LIPJ: variants seen among roughly 807,000 people sequenced by gnomAD.
LIPJ encodes lipase family member J.
A neutral mutation model predicts 39.8 loss-of-function variants in LIPJ; 33 were observed. The ratio of observed to expected loss-of-function variants is 0.83; its 90% CI spans 0.63 to 1.11. The LOEUF (loss-of-function observed/expected upper bound fraction) is 1.11, where lower values mean the gene tolerates loss of function less well. Ranked by LOEUF, LIPJ falls within the 50% of genes least tolerant of loss-of-function variation. The pLI, the probability that LIPJ is intolerant of heterozygous loss-of-function variation, is 0.00. For synonymous variants in LIPJ, 128 were observed against 139.2 expected (o/e 0.92, Z 0.57); for missense variants, 422 against 427.9 (o/e 0.99, Z 0.12).
downstream of LIPJ, among the ~76,000 whole-genome samples, chr10:88,608,874 A>C (rs771162424): frequency 6.6e-6 from 1 of 152,230 alleles, no homozygotes; most frequent in Non-Finnish European, 1.5e-5. Context: ...CTATGTCAGG[A>C]AACATCCTCT....
At chr10:88,583,511 C>T (rs1850786548), upstream of LIPJ, 1 of 1,195,830 alleles carries the variant, frequency 8.4e-7, no homozygotes, top group Non-Finnish European at 1.0e-6. Flanking sequence ...GGAGAACCCG[C>T]CTCGCAACAG....
At chr10:88,613,653 C>T in the LIPJ span, among the ~76,000 whole-genome samples, 1 of 150,392 alleles carries the variant, frequency 6.6e-6, no homozygotes, top group South Asian at 2.1e-4. Flanking sequence ...TGATAGAAAG[C>T]AGATTAGTGA....
the LIPJ span, among the ~76,000 whole-genome samples, chr10:88,616,509 A>C: frequency 6.6e-6 from 1 of 152,212 alleles, no homozygotes; most frequent in South Asian, 2.1e-4. Flanking sequence ...CCTTAACCGC[A>C]CCTAGAGGCC....
the LIPJ span, among the ~76,000 whole-genome samples, chr10:88,619,353 T>G: frequency 6.6e-6 from 1 of 152,082 alleles, no homozygotes. Context: ...TTTTTTCTTC[T>G]AATTCATACA....
upstream of LIPJ, chr10:88,583,644 G>A (rs548686618): frequency 6.1e-6 from 6 of 988,242 alleles, no homozygotes; most frequent in East Asian, 5.6e-4. Context: ...ATTTACCAGC[G>A]ATACCACGGG....
intron 3 of LIPJ, among the ~76,000 whole-genome samples, chr10:88,591,131 G>GGTTT (rs10694823): frequency 0.3 from 45,162 of 150,892 alleles, 7,060 homozygotes; most frequent in East Asian, 0.55. Flanking sequence ...TGAGGGTAGG[G>GGTTT]GTTTGTTTGT....
chr10:88,616,130 A>T, the LIPJ span, among the ~76,000 whole-genome samples: 1 of 146,900 alleles, frequency 6.8e-6, no homozygotes, highest in African/African-American at 2.6e-5. Flanking sequence ...ACTCTTGTAG[A>T]ATAATGACAG....
chr10:88,588,200 A>G (rs987144846), intron 2 of LIPJ, among the ~76,000 whole-genome samples: 24 of 152,000 alleles, frequency 1.6e-4, no homozygotes, highest in Middle Eastern at 3.5e-3. Context: ...TGCATCTACT[A>G]TGACAAAATT....
chr10:88,583,003 A>G, upstream of LIPJ: 1 of 1,533,208 alleles, frequency 6.5e-7, no homozygotes, highest in Non-Finnish European at 8.9e-7. Context: ...TCTTGGGTGC[A>G]GGCCCACACC....
At chr10:88,606,948 T>C (rs745487583) in exon 11 of LIPJ, 1 of 1,399,862 alleles carries the variant, frequency 7.1e-7, no homozygotes. Flanking sequence ...ACATCATTCC[T>C]AATGAAATCC....
upstream of LIPJ, chr10:88,582,949 G>C (rs911901821): frequency 2.6e-6 from 3 of 1,135,878 alleles, no homozygotes; most frequent in Non-Finnish European, 1.2e-6. Context: ...CGCGCTACAC[G>C]GCCGCTCAGG....
intron 10 of LIPJ, 145 bp downstream of exon 10, chr10:88,605,849 G>T: frequency 1.7e-6 from 1 of 596,020 alleles, no homozygotes; most frequent in South Asian, 2.2e-5. Context: ...ATTTGGATAC[G>T]TATTGTCACA....
chr10:88,599,568 C>T (rs976395766), intron 8 of LIPJ, among the ~76,000 whole-genome samples: 1 of 151,774 alleles, frequency 6.6e-6, no homozygotes, highest in Non-Finnish European at 1.5e-5. Flanking sequence ...TACTAGTACC[C>T]TCCAGGTTCA....
the LIPJ span, chr10:88,618,732 C>T: frequency 6.2e-6 from 1 of 162,114 alleles, no homozygotes; most frequent in Admixed American, 6.2e-5. Context: ...CCAGCCTAGC[C>T]ATTTGAATCT....
intron 8 of LIPJ, among the ~76,000 whole-genome samples, chr10:88,600,193 C>A (rs1303076341): frequency 2.6e-5 from 4 of 152,158 alleles, no homozygotes; most frequent in African/African-American, 9.7e-5. Flanking sequence ...TTGGGATACA[C>A]TGAATTTCTT....
intron 8 of LIPJ, among the ~76,000 whole-genome samples, chr10:88,598,043 T>C (rs984432120): frequency 2.0e-5 from 3 of 152,022 alleles, no homozygotes; most frequent in Non-Finnish European, 1.5e-5. Flanking sequence ...GCAACAGAAG[T>C]TGACAGTGTT....
chr10:88,606,884 G>C, exon 11 of LIPJ: 6 of 1,577,556 alleles, frequency 3.8e-6, no homozygotes, highest in Non-Finnish European at 5.2e-6. Flanking sequence ...TGAAATCATT[G>C]ATATTATCCA....
At chr10:88,602,621 G>A in exon 9 of LIPJ, 1 of 1,531,374 alleles carries the variant, frequency 6.5e-7, no homozygotes, top group East Asian at 2.5e-5. Context: ...AGGAACATCT[G>A]TTCAAAATAT....
the LIPJ span, among the ~76,000 whole-genome samples, chr10:88,615,735 A>C: frequency 7.5e-3 from 1,149 of 152,244 alleles, 17 homozygotes; most frequent in African/African-American, 0.026. Context: ...ATACAGAAAA[A>C]CAAAACTCTT....
Sources: allele counts gnomAD v4.1 joint callset (sites outside exome capture counted in the v4.1 genomes callset), GRCh38; gene constraint gnomAD v4.1.1; transcripts MANE v1.5; gene names NCBI Gene and HGNC (gene_info 2026-07-23, HGNC 2026-07-21).